Variants in FYB1 observed in about 807,000 individuals in gnomAD.
FYB1 encodes the protein FYN-binding protein 1.
In FYB1, 41 loss-of-function variants were observed where a neutral mutation model predicts 94.1. The observed-to-expected ratio is 0.44, with a 90% CI of 0.34 to 0.57. The LOEUF (loss-of-function observed/expected upper bound fraction) is 0.57. FYB1 is among the 20% of genes least tolerant of loss of function. The pLI is 0.02. For synonymous variants in FYB1, 367 were observed against 353.2 expected (o/e 1.04, Z -0.44); for missense variants, 1,050 against 976.8 (o/e 1.07, Z -1.00).
intron 2 of FYB1, among the ~76,000 whole-genome samples, chr5:39,198,160 T>A (rs1344169987): frequency 6.6e-6 from 1 of 152,218 alleles, no homozygotes; most frequent in Admixed American, 6.5e-5. Flanking sequence ...GTGATTATAA[T>A]GTGCTGGCGA....
Position 39,141,095 on chromosome 5 carries a change from C to G in FYB1, c.1339G>C (p.Gly447Arg). 2 of 1,581,090 alleles carry G rather than the reference C, an allele frequency of 1.3e-6. No homozygotes were observed. The highest frequency in any genetic ancestry group is 1.7e-6 in the Non-Finnish European group (2 of 1,160,338). Residue 447 changes from glycine (G) to arginine (R), a missense_variant and splice_region_variant, in exon 4 of 19, where the codon GGT becomes CGT. Gly to Arg is a moderately radical substitution (Grantham distance 125). Transcript: ENST00000512982. Reference protein sequence around the residue: ...DNQDGVTHSDGAGNLDEEQDS... With the variant: ...DNQDGVTHSDRAGNLDEEQDS... ...AATAAAATATGTTTTTGTCGTTTAC[C>G]ATCAGAGTGCGTGACACCATCTTGA...
chr5:39,238,603 T>C (rs967020043), intron 1 of FYB1, among the ~76,000 whole-genome samples: 1 of 152,022 alleles, frequency 6.6e-6, no homozygotes, highest in Admixed American at 6.6e-5. Flanking sequence ...AGGGAACTAT[T>C]ACTGTGGGTG....
rs147384707 is a variant in FYB1, at chr5:39,165,919, C to T, written c.1136-12315G>A. ...ACCAGAGAATTGCAAATTAAAACCG[C>T]AATGAGATATCATCGTACAGCAGTC... is the stretch of plus-strand genomic sequence containing the variant. On this transcript the variant is annotated intron_variant, in intron 2 of 18. Transcript: ENST00000512982. 3.7e-3 allele frequency among the ~76,000 whole-genome samples: 557 copies of T among 152,094 alleles called. 2 individuals carry two copies. The highest frequency in any genetic ancestry group is 6.4e-3 in the Non-Finnish European group (436 of 68,000).
intron 2 of FYB1, among the ~76,000 whole-genome samples, chr5:39,195,070 T>C (rs562906376): frequency 1.3e-5 from 2 of 152,286 alleles, no homozygotes; most frequent in African/African-American, 4.8e-5. Flanking sequence ...CCAGTCTGTG[T>C]ATGAGAGAGC....
At chr5:39,258,655 G>A (rs1053907110) in intron 1 of FYB1, among the ~76,000 whole-genome samples, 1 of 152,016 alleles carries the variant, frequency 6.6e-6, no homozygotes, top group Non-Finnish European at 1.5e-5. Flanking sequence ...AGAAGATATG[G>A]AGCTAAAGGG....
intron 1 of FYB1, among the ~76,000 whole-genome samples, chr5:39,215,416 G>C (rs1749780377): frequency 6.6e-6 from 1 of 152,126 alleles, no homozygotes; most frequent in South Asian, 2.1e-4. Context: ...GATGACGATG[G>C]GGAAATGATG....
At chr5:39,142,625 T>A (rs1293406076) in intron 3 of FYB1, among the ~76,000 whole-genome samples, 1 of 152,222 alleles carries the variant, frequency 6.6e-6, no homozygotes, top group Non-Finnish European at 1.5e-5. Flanking sequence ...CACTTCACTT[T>A]ACCTCTGTGA....
chr5:39,241,495 T>G (rs555999717), intron 1 of FYB1, among the ~76,000 whole-genome samples: 88 of 152,224 alleles, frequency 5.8e-4, no homozygotes, highest in Middle Eastern at 3.4e-3. Flanking sequence ...CATCTCCACT[T>G]TTTTCCCTTC....
chr5:39,268,889 A>T (rs1192607276), intron 1 of FYB1, among the ~76,000 whole-genome samples: 1 of 151,854 alleles, frequency 6.6e-6, no homozygotes, highest in Non-Finnish European at 1.5e-5. Flanking sequence ...ATAAGAAAAC[A>T]ATAATCTTTA....
chr5:39,270,205 G>C (rs952779744), intron 1 of FYB1, among the ~76,000 whole-genome samples: 2 of 151,976 alleles, frequency 1.3e-5, no homozygotes, highest in Non-Finnish European at 2.9e-5. Context: ...CCCAACATTC[G>C]CCACTGGAGT....
At position 39,248,665 on chromosome 5, in the gene FYB1, C is replaced by T. The variant is rs147833989; in HGVS notation, c.-28+25738G>A. On this transcript the variant is annotated intron_variant, in intron 1 of 1. Transcript: ENST00000510188. ...CAGCCTGGCCAACATGGCGAAACCC[C>T]GTCTCTACTAAAAATACAAAAATTA... Among the ~76,000 whole-genome samples, 1,038 of 152,184 alleles carry T rather than the reference C, an allele frequency of 6.8e-3. 9 individuals carry two copies. The highest frequency in any genetic ancestry group is 0.022 in the African/African-American group (925 of 41,538).
chr5:39,141,192 C>G, intron 3 of FYB1, 51 bp from the exon 4 acceptor site: 1 of 1,172,742 alleles, frequency 8.5e-7, no homozygotes, highest in Non-Finnish European at 1.2e-6. Context: ...AGATGCTCAC[C>G]TTACAATGAA....
intron 1 of FYB1, among the ~76,000 whole-genome samples, chr5:39,266,911 G>C (rs1467894013): frequency 6.6e-6 from 1 of 152,152 alleles, no homozygotes; most frequent in South Asian, 2.1e-4. Flanking sequence ...GGCCAGTCCT[G>C]GGCTTTTCTT....
At chr5:39,248,867 T>G (rs111984000) in intron 1 of FYB1, among the ~76,000 whole-genome samples, 1 of 152,124 alleles carries the variant, frequency 6.6e-6, no homozygotes, top group Non-Finnish European at 1.5e-5. Context: ...TCTTAAATAT[T>G]CCCCTTAGAA....
At chr5:39,189,716 G>A (rs1422214949) in intron 2 of FYB1, among the ~76,000 whole-genome samples, 1 of 152,202 alleles carries the variant, frequency 6.6e-6, no homozygotes, top group Non-Finnish European at 1.5e-5. Flanking sequence ...TGCTGTTTTT[G>A]AAGGACGGAG....
At chr5:39,233,468 T>C (rs1440232836) in intron 1 of FYB1, among the ~76,000 whole-genome samples, 2 of 152,190 alleles carry the variant, frequency 1.3e-5, no homozygotes, top group Non-Finnish European at 2.9e-5. Context: ...TCAAGACCAT[T>C]GAATGCTTAA....
intron 1 of FYB1, among the ~76,000 whole-genome samples, chr5:39,244,155 T>C (rs835175): frequency 0.17 from 25,177 of 151,552 alleles, 5,675 homozygotes; most frequent in African/African-American, 0.49. Flanking sequence ...CCTGATTGCC[T>C]TGGCCAGAAC....
At chr5:39,147,296 A>C (rs1472652687) in intron 3 of FYB1, among the ~76,000 whole-genome samples, 1 of 151,136 alleles carries the variant, frequency 6.6e-6, no homozygotes. Context: ...TGGAGACAGG[A>C]TCTTACTCTG....
chr5:39,171,571 T>C (rs143525737), intron 2 of FYB1, among the ~76,000 whole-genome samples: 4 of 152,294 alleles, frequency 2.6e-5, no homozygotes, highest in South Asian at 2.1e-4. Flanking sequence ...CATGTCTCAT[T>C]TGAAGTTCAA....
Sources: gnomAD v4.1 joint callset for allele counts (sites outside exome capture counted in the v4.1 genomes callset) on GRCh38, gnomAD v4.1.1 for gene constraint, MANE v1.5 for transcripts, NCBI Gene and HGNC (gene_info 2026-07-23, HGNC 2026-07-21) for gene names.